Variants in USB1 observed in about 807,000 individuals in gnomAD.
USB1 encodes U6 snRNA phosphodiesterase 1.
A neutral mutation model predicts 29.9 loss-of-function variants in USB1; 21 were observed. The ratio of observed to expected loss-of-function variants is 0.70; its 90% CI spans 0.50 to 1.01. The LOEUF is 1.01. Among genes scored for constraint, USB1 ranks in the 50% least tolerant of loss-of-function variants. The probability of loss-of-function intolerance (pLI) is 0.00; values close to 1 mark genes in which losing one functional copy is unlikely to be tolerated. For missense variants in USB1, 330 were observed against 347.1 expected (o/e 0.95, Z 0.39); for synonymous variants, 143 against 134.9 (o/e 1.06, Z -0.42).
At chr16:58,010,317 G>A in intron 3 of USB1, 1 of 619,410 alleles carries the variant, frequency 1.6e-6, no homozygotes, top group Non-Finnish European at 2.8e-6. Context: ...TGCCGTATCT[G>A]CTCTGTAGGA....
At chr16:58,012,624 G>T in intron 3 of USB1, 1 of 1,343,504 alleles carries the variant, frequency 7.4e-7, no homozygotes. Context: ...ATGACTGCCT[G>T]GTCTGACCCG....
chr16:58,004,492 C>G (rs1963306707), intron 2 of USB1, among the ~76,000 whole-genome samples: 1 of 152,076 alleles, frequency 6.6e-6, no homozygotes, highest in Non-Finnish European at 1.5e-5. Context: ...ATTGCCCAAG[C>G]TGGTCTTGAA....
chr16:58,017,396 T>C lies in USB1; in HGVS notation c.566T>C (p.Val189Ala), dbSNP rs1441749865. The change falls in exon 5 of 7, where the codon GTG becomes GCG. Residue 189 changes from valine to alanine, a missense_variant. Val to Ala is a moderately conservative substitution (Grantham distance 64). Transcript: ENST00000219281. ...CAGTTCCTGGACCTGGTTTCAGAGG[T>C]GGACAGAGTCATGGAGGAATTCAAC... Reference protein sequence around the residue: ...HAQFLDLVSEVDRVMEEFNLT... With the variant: ...HAQFLDLVSEADRVMEEFNLT... 1 of 1,614,180 alleles carries C rather than the reference T, an allele frequency of 6.2e-7. No homozygotes were observed. Among genetic ancestry groups the C allele is most frequent in the Non-Finnish European group, 8.5e-7 (1 of 1,180,028 alleles).
At chr16:58,010,240 G>A (rs1963462259) in intron 3 of USB1, 128 bp downstream of exon 3, 4 of 1,150,754 alleles carry the variant, frequency 3.5e-6, no homozygotes, top group Non-Finnish European at 5.0e-6. Context: ...CCTCTCCTGG[G>A]GCTGCCTGCT....
chr16:58,005,906 G>T (rs1341534971), intron 2 of USB1, among the ~76,000 whole-genome samples: 4 of 152,138 alleles, frequency 2.6e-5, no homozygotes, highest in Non-Finnish European at 5.9e-5. Context: ...AATCCTACTT[G>T]TTCGTTGCTG....
intron 3 of USB1, chr16:58,012,784 C>T: frequency 9.9e-7 from 1 of 1,007,364 alleles, no homozygotes; most frequent in South Asian, 4.3e-5. Context: ...TGCACTTGCG[C>T]TAGGAAGACA....
rs1963245731 is a variant in USB1 at position 58,002,520 on chromosome 16, A to G, written c.140A>G (p.Asp47Gly). ...CCCAGGCAGAGATTTCCAGTACCTGACAGTGTGCTGAACATGTTCCCGGGC... is the reference window on the plus strand; with the variant it reads ...CCCAGGCAGAGATTTCCAGTACCTGGCAGTGTGCTGAACATGTTCCCGGGC... Reference protein sequence around the residue: ...PLPRQRFPVPDSVLNMFPGTE... With the variant: ...PLPRQRFPVPGSVLNMFPGTE... The change falls in exon 2 of 7, where the codon GAC becomes GGC. Residue 47 changes from aspartate (D) to glycine (G), a missense_variant. By Grantham distance (94) the Asp-to-Gly change is moderately conservative (BLOSUM62 -1). Coordinates refer to ENST00000219281, the MANE Select transcript of USB1 (RefSeq NM_024598.4). 6.2e-7 allele frequency: 1 copy of G among 1,614,000 alleles called. No homozygotes were observed. The highest frequency in any genetic ancestry group is 8.5e-7 in the Non-Finnish European group (1 of 1,180,038).
At chr16:58,011,563 C>A in intron 3 of USB1, 2 of 996,606 alleles carry the variant, frequency 2.0e-6, no homozygotes, top group Non-Finnish European at 2.4e-6. Context: ...GGTTGTTTCA[C>A]AGGTGACTCC....
chr16:58,017,010 T>G, intron 4 of USB1: 1 of 376,228 alleles, frequency 2.7e-6, no homozygotes, highest in Non-Finnish European at 5.1e-6. Flanking sequence ...TCATTTGCGA[T>G]TGGAATGATG....
upstream of USB1, among the ~76,000 whole-genome samples, chr16:58,000,925 T>G (rs949431327): frequency 6.6e-6 from 1 of 152,026 alleles, no homozygotes; most frequent in Non-Finnish European, 1.5e-5. The surrounding 1 kb of genome is among the most constrained non-coding windows in gnomAD (Gnocchi z 4.5). Context: ...GGGAGGGGGC[T>G]CCGGGTGACC....
At chr16:58,007,630 C>A (rs979692248) in intron 2 of USB1, among the ~76,000 whole-genome samples, 1 of 152,070 alleles carries the variant, frequency 6.6e-6, no homozygotes, top group African/African-American at 2.4e-5. Context: ...GAACCACCCA[C>A]CTTGGCCTCC....
chr16:58,012,494 A>G (rs1963518806), intron 3 of USB1: 3 of 1,185,644 alleles, frequency 2.5e-6, no homozygotes, highest in Non-Finnish European at 2.4e-6. Context: ...ACTGTTCACC[A>G]TCTCAGCTCT....
chr16:58,017,469 G>A (rs1567423275), intron 5 of USB1, 30 bp downstream of exon 5: 1 of 1,578,230 alleles, frequency 6.3e-7, no homozygotes, highest in Admixed American at 1.7e-5. Context: ...CTTCTCCATT[G>A]ACCCATTTCT....
intron 1 of USB1, 113 bp from the exon 2 acceptor site, chr16:58,002,366 G>A: frequency 6.5e-7 from 1 of 1,533,276 alleles, no homozygotes; most frequent in Non-Finnish European, 8.9e-7. Context: ...CACCAGGCTG[G>A]AAACACACAC....
chr16:58,001,349 C>A, upstream of USB1: 1 of 1,016,486 alleles, frequency 9.8e-7, no homozygotes, highest in Non-Finnish European at 1.5e-6. Context: ...TGCCGGGTTC[C>A]GCCCCTCCCG....
In USB1 at chr16:58,020,435, TTC is replaced by T. The variant is rs1963709878; in HGVS notation, c.*192_*193del. 1.6e-6 allele frequency: 1 copy of T among 637,882 alleles called. No homozygotes were observed. The highest frequency in any genetic ancestry group is 2.8e-6 in the Non-Finnish European group (1 of 353,370). The allele number at this position is 637,882 out of a possible 1,614,324, so 39.5% of individuals were successfully genotyped here. On this transcript the variant is annotated 3_prime_UTR_variant, in exon 7 of 7. Coordinates refer to ENST00000219281, the MANE Select transcript of USB1 (RefSeq NM_024598.4). The stretch of plus-strand genomic sequence containing the variant: ...TTCTCTCTCTCTCTTTCTCTTCCTC[TTC>T]TTTCTCTCTCTTCTCCTCTCTTTCT...
At chr16:58,016,729 C>T (rs1963625014) in intron 4 of USB1, 2 of 175,636 alleles carry the variant, frequency 1.1e-5, no homozygotes, top group African/African-American at 4.8e-5. Context: ...AGCGAAGTGT[C>T]CCTTGGATTT....
At chr16:58,019,956 G>A (rs1963699313) in intron 6 of USB1, among the ~76,000 whole-genome samples, 185 bp from the exon 7 acceptor site, 1 of 152,088 alleles carries the variant, frequency 6.6e-6, no homozygotes, top group Non-Finnish European at 1.5e-5. Flanking sequence ...CTGTAAAGTT[G>A]AGATGATAGG....
intron 2 of USB1, among the ~76,000 whole-genome samples, chr16:58,005,531 C>G (rs1406225866): frequency 6.6e-6 from 1 of 152,114 alleles, no homozygotes; most frequent in East Asian, 1.9e-4. Flanking sequence ...TCTGTATGGC[C>G]TGGTTTTTCC....
Sources: allele counts gnomAD v4.1 joint callset (sites outside exome capture counted in the v4.1 genomes callset), GRCh38; gene constraint gnomAD v4.1.1; non-coding constraint Gnocchi (gnomAD v3.1); transcripts MANE v1.5; gene names NCBI Gene and HGNC (gene_info 2026-07-23, HGNC 2026-07-21).